Variants in SH3RF2 observed in about 807,000 individuals in gnomAD.
SH3RF2 encodes the protein SH3 domain containing ring finger 2.
In SH3RF2, 43 loss-of-function variants were observed where a neutral mutation model predicts 59.0. The ratio of observed to expected loss-of-function variants is 0.73; its 90% CI spans 0.57 to 0.94. The LOEUF is 0.94. SH3RF2 is among the 40% of genes least tolerant of loss of function. The pLI is 0.00. For synonymous variants in SH3RF2, 391 were observed against 391.5 expected (o/e 1.00, Z 0.01); for missense variants, 930 against 940.1 (o/e 0.99, Z 0.14).
chr5:145,962,888 C>CT (rs1168517787), intron 2 of SH3RF2, among the ~76,000 whole-genome samples: 1,251 of 104,540 alleles, frequency 0.012, 108 homozygotes, highest in African/African-American at 0.029. Flanking sequence ...TATTATTCCA[C>CT]TTTTTTTTTT....
intron 2 of SH3RF2, among the ~76,000 whole-genome samples, chr5:145,991,889 C>A (rs1188338744): frequency 1.3e-5 from 2 of 152,072 alleles, no homozygotes; most frequent in Non-Finnish European, 2.9e-5. Flanking sequence ...ATTCATTGCC[C>A]CCATTTGAGT....
chr5:145,939,315 A>T (rs1047349638), intron 2 of SH3RF2, among the ~76,000 whole-genome samples: 5 of 152,238 alleles, frequency 3.3e-5, no homozygotes, highest in African/African-American at 1.2e-4. Context: ...TTAGAGTCTA[A>T]ATGCTGGCAG....
chr5:146,034,726 G>A (rs1464625796), intron 5 of SH3RF2, among the ~76,000 whole-genome samples: 1 of 152,166 alleles, frequency 6.6e-6, no homozygotes, highest in Non-Finnish European at 1.5e-5. Flanking sequence ...AAGGTATCAG[G>A]GAGTGTTTCA....
chr5:146,018,514 C>CCA (rs1429001619), intron 5 of SH3RF2, among the ~76,000 whole-genome samples: 120 of 146,248 alleles, frequency 8.2e-4, no homozygotes, highest in African/African-American at 2.3e-3. Context: ...ATATACACAC[C>CCA]CACACACACA....
chr5:145,943,627 G>A (rs1166023110), intron 2 of SH3RF2, among the ~76,000 whole-genome samples: 1 of 152,176 alleles, frequency 6.6e-6, no homozygotes, highest in Non-Finnish European at 1.5e-5. Context: ...TCACTTAAGT[G>A]ATCAGGGTAA....
At chr5:145,940,854 G>A (rs573340249) in intron 2 of SH3RF2, among the ~76,000 whole-genome samples, 69 of 149,592 alleles carry the variant, frequency 4.6e-4, no homozygotes, top group Admixed American at 1.3e-3. Context: ...CACTTTGAGA[G>A]CCTTAGATGA....
intron 6 of SH3RF2, 130 bp from the exon 7 acceptor site, chr5:146,048,945 C>A: frequency 9.4e-7 from 1 of 1,068,202 alleles, no homozygotes; most frequent in Non-Finnish European, 1.4e-6. Context: ...GTGAGAACCA[C>A]CGCACCCGCT....
intron 8 of SH3RF2, 42 bp downstream of exon 8, chr5:146,056,255 G>A: frequency 6.2e-7 from 1 of 1,613,014 alleles, no homozygotes; most frequent in Non-Finnish European, 8.5e-7. Flanking sequence ...GCTAAGTGAT[G>A]GGGGGAATCT....
intron 2 of SH3RF2, among the ~76,000 whole-genome samples, chr5:145,940,202 C>T (rs1757765625): frequency 6.6e-6 from 1 of 152,176 alleles, no homozygotes; most frequent in Non-Finnish European, 1.5e-5. Context: ...GGCTGAAACT[C>T]AAGGGCTCCT....
In SH3RF2 at chr5:146,041,828, G is replaced by A. The variant is rs572929090; in HGVS notation, c.1060-5944G>A. ...CATCTGTAGTCCCAGCCACTCAGGA[G>A]GCTGAGGCGGGAGGATCGATTGAAC... On this transcript the variant is annotated intron_variant, in intron 5 of 9. Transcript: ENST00000359120. 2.4e-4 allele frequency among the ~76,000 whole-genome samples: 37 copies of A among 152,290 alleles called. No homozygotes were observed. The South Asian group carries it at 7.7e-3, about 32-fold the overall frequency.
intron 5 of SH3RF2, among the ~76,000 whole-genome samples, chr5:146,022,455 C>T (rs1477404775): frequency 6.6e-6 from 1 of 152,320 alleles, no homozygotes; most frequent in East Asian, 1.9e-4. Context: ...GATCTGCCCA[C>T]CTTGCCTCTT....
At chr5:146,030,916 CAGTT>C (rs1484778433) in intron 5 of SH3RF2, among the ~76,000 whole-genome samples, 3 of 152,180 alleles carry the variant, frequency 2.0e-5, no homozygotes, top group East Asian at 1.9e-4. Flanking sequence ...TAGAAGGAAA[CAGTT>C]AGGCAGTAGT....
At chr5:145,997,436 G>A (rs1024426630) in intron 2 of SH3RF2, 2 of 1,428,480 alleles carry the variant, frequency 1.4e-6, no homozygotes, top group East Asian at 2.3e-5. Context: ...ATACTGGCTG[G>A]TGCAAGGATG....
chr5:146,047,251 A>C (rs1762336683), intron 5 of SH3RF2, among the ~76,000 whole-genome samples: 1 of 151,902 alleles, frequency 6.6e-6, no homozygotes, highest in African/African-American at 2.4e-5. Context: ...TCTTTGTTTC[A>C]TACTAATTGT....
intron 2 of SH3RF2, among the ~76,000 whole-genome samples, chr5:145,949,392 T>A (rs1414491130): frequency 6.6e-6 from 1 of 152,206 alleles, no homozygotes; most frequent in Admixed American, 6.5e-5. Context: ...GGAATAGAAC[T>A]CTGCAGGTCT....
At chr5:146,048,956 C>T (rs933329594) in intron 6 of SH3RF2, 119 bp from the exon 7 acceptor site, 7 of 1,218,736 alleles carry the variant, frequency 5.7e-6, no homozygotes, top group African/African-American at 3.0e-5. Context: ...CGCACCCGCT[C>T]GACCAAGAAG....
At chr5:146,003,806 G>A (rs1174586659) in intron 3 of SH3RF2, among the ~76,000 whole-genome samples, 1 of 152,120 alleles carries the variant, frequency 6.6e-6, no homozygotes, top group Non-Finnish European at 1.5e-5. Context: ...TTAAAAATTA[G>A]AAACATTTCA....
chr5:145,975,038 T>C (rs1561718694), intron 2 of SH3RF2, among the ~76,000 whole-genome samples: 1 of 152,186 alleles, frequency 6.6e-6, no homozygotes, highest in Non-Finnish European at 1.5e-5. Context: ...AACCAAACAC[T>C]ACAGCCAAGC....
Position 146,001,270 on chromosome 5 carries a change from A to C in SH3RF2, c.648+943A>C, listed in dbSNP as rs139482726. Among the ~76,000 whole-genome samples the C allele has an allele frequency of 4.6e-3, 701 of 152,334 alleles. 2 individuals are homozygous for C. Among genetic ancestry groups the C allele is most frequent in the Non-Finnish European group, 7.8e-3 (528 of 68,026 alleles). On this transcript the variant is annotated intron_variant, in intron 3 of 9. Transcript: ENST00000359120. ...AGAAACCACAGTTGGAGTTATTTTC[A>C]TTCTTGACTACTCGTGATAAGTAGA...
Sources: allele counts gnomAD v4.1 joint callset (sites outside exome capture counted in the v4.1 genomes callset), GRCh38; gene constraint gnomAD v4.1.1; transcripts MANE v1.5; gene names NCBI Gene and HGNC (gene_info 2026-07-23, HGNC 2026-07-21).